ARNT2: variants seen among roughly 807,000 people sequenced by gnomAD.
ARNT2 encodes the protein aryl hydrocarbon receptor nuclear translocator 2, also known as ARNT protein 2.
In ARNT2, 36 loss-of-function variants were observed where a neutral mutation model predicts 91.7. The observed-to-expected ratio is 0.39, with a 90% CI of 0.30 to 0.52. The LOEUF (loss-of-function observed/expected upper bound fraction) is 0.52. Among genes scored for constraint, ARNT2 ranks in the 20% least tolerant of loss-of-function variants. The pLI, the probability that ARNT2 is intolerant of heterozygous loss-of-function variation, is 0.72. For synonymous variants in ARNT2, 365 were observed against 347.1 expected, an observed-to-expected ratio of 1.05 and a Z score of -0.57; for missense variants, 775 against 939.3, an observed-to-expected ratio of 0.83 and a Z score of 2.29.
At chr15:80,544,435 A>G (rs1215169975) in intron 8 of ARNT2, among the ~76,000 whole-genome samples, 1 of 152,042 alleles carries the variant, frequency 6.6e-6, no homozygotes, top group East Asian at 1.9e-4. Flanking sequence ...TGTCTTCTAA[A>G]CCATCATTTC....
intron 8 of ARNT2, among the ~76,000 whole-genome samples, chr15:80,533,864 G>C (rs1482744512): frequency 6.6e-6 from 1 of 152,232 alleles, no homozygotes; most frequent in South Asian, 2.1e-4. Context: ...GGCCCCAAGA[G>C]GGACAGTTGT....
intron 2 of ARNT2, among the ~76,000 whole-genome samples, chr15:80,453,130 A>G (rs549104691): frequency 5.9e-5 from 9 of 152,218 alleles, no homozygotes; most frequent in African/African-American, 9.6e-5. Context: ...GGTCACACAC[A>G]CAGCGTGGCA....
chr15:80,489,584 C>A (rs1897024066), intron 5 of ARNT2, among the ~76,000 whole-genome samples: 1 of 152,246 alleles, frequency 6.6e-6, no homozygotes, highest in African/African-American at 2.4e-5. Context: ...TGACTCTTCT[C>A]TCAGTTCTAC....
intron 8 of ARNT2, among the ~76,000 whole-genome samples, chr15:80,527,624 T>C (rs1166053846): frequency 6.6e-6 from 1 of 152,262 alleles, no homozygotes; most frequent in East Asian, 1.9e-4. Flanking sequence ...ATCATTTCCA[T>C]GCATTGTGCT....
chr15:80,477,484 G>A (rs760577964), intron 5 of ARNT2, among the ~76,000 whole-genome samples: 9 of 152,206 alleles, frequency 5.9e-5, no homozygotes, highest in African/African-American at 1.2e-4. Flanking sequence ...TGGGGAGAGC[G>A]TAAGCATTTA....
chr15:80,593,829 G>C lies in ARNT2; in HGVS notation c.*131G>C. The C allele has an allele frequency of 1.2e-6, 1 of 808,020 alleles. No homozygotes were observed. The highest frequency in any genetic ancestry group is 2.0e-6 in the Non-Finnish European group (1 of 504,498). The allele number at this position is 808,020 out of a possible 1,614,324, so 50.1% of individuals were successfully genotyped here. On this transcript the variant is annotated 3_prime_UTR_variant, in exon 19 of 19. Coordinates refer to ENST00000303329, the MANE Select transcript of ARNT2 (RefSeq NM_014862.4). ...CCCACCAGAAGCCATCTCCCCCGCT[G>C]TGTGTCCCCAGGCGCATCATTGCTC...
At chr15:80,590,290 A>C (rs1321079573) in intron 17 of ARNT2, among the ~76,000 whole-genome samples, 1 of 152,222 alleles carries the variant, frequency 6.6e-6, no homozygotes, top group Non-Finnish European at 1.5e-5. Context: ...ATTTGAAACA[A>C]GAAAAAAAGC....
intron 8 of ARNT2, among the ~76,000 whole-genome samples, chr15:80,520,951 A>G (rs1897534875): frequency 6.6e-6 from 1 of 152,218 alleles, no homozygotes; most frequent in Non-Finnish European, 1.5e-5. Flanking sequence ...TTTGGAAACA[A>G]AAGACATTCT....
chr15:80,497,900 G>A (rs989224695), intron 5 of ARNT2, among the ~76,000 whole-genome samples: 18 of 152,178 alleles, frequency 1.2e-4, no homozygotes, highest in Admixed American at 5.9e-4. Context: ...GGAAGGGAAG[G>A]ACTTTCTAAT....
At chr15:80,442,222 G>T (rs892817386) in intron 1 of ARNT2, among the ~76,000 whole-genome samples, 5 of 152,188 alleles carry the variant, frequency 3.3e-5, no homozygotes, top group African/African-American at 1.2e-4. Context: ...TCAAAGGAAC[G>T]CTTTTTAGGA....
In ARNT2 at chr15:80,593,460, G is replaced by A. The variant is rs986067024; in HGVS notation, c.2056-140G>A. The A allele has an allele frequency of 2.8e-5, 18 of 641,436 alleles. No homozygotes were observed. The Admixed American group carries it at 3.4e-4, about 12-fold the overall frequency. 39.7% of individuals were successfully genotyped at this position (641,436 alleles called of 1,614,324 possible). A position where few individuals can be genotyped will look rare whatever the true frequency, so the allele number is the denominator to read the frequency against. On this transcript the variant is annotated intron_variant, in intron 18 of 18. Transcript: ENST00000303329. ...TTTGAGGACCCTTGCAGAGCATCCC[G>A]CAGAAGGCTGGGGAGGACCTCTGGG... is the stretch of plus-strand genomic sequence containing the variant.
intron 12 of ARNT2, 60 bp downstream of exon 12, chr15:80,563,299 T>C: frequency 6.3e-7 from 1 of 1,597,184 alleles, no homozygotes; most frequent in South Asian, 1.1e-5. Context: ...GGTCCAGAGC[T>C]GGCAATTTTA....
chr15:80,577,655 G>A (rs1053207050), intron 15 of ARNT2, among the ~76,000 whole-genome samples: 4 of 152,254 alleles, frequency 2.6e-5, no homozygotes, highest in Non-Finnish European at 4.4e-5. Context: ...GGCTTCTCCA[G>A]TGAGGTTGGC....
chr15:80,469,677 C>G (rs936221772), intron 3 of ARNT2, among the ~76,000 whole-genome samples: 6 of 152,218 alleles, frequency 3.9e-5, no homozygotes, highest in Admixed American at 3.9e-4. Flanking sequence ...TGCAGTGGTG[C>G]GATCTCAGCT....
intron 1 of ARNT2, among the ~76,000 whole-genome samples, chr15:80,447,796 A>G (rs1011084287): frequency 2.0e-5 from 3 of 152,304 alleles, no homozygotes; most frequent in Admixed American, 1.3e-4. Context: ...ATTAGAGAAA[A>G]TATTTTATCT....
rs1555455373 is a variant in ARNT2 at position 80,433,257 on chromosome 15, A to AT, written c.32-17619dup. Among the ~76,000 whole-genome samples the AT allele has an allele frequency of 1.1e-3, 141 of 126,228 alleles. 2 individuals are homozygous for AT. The highest frequency in any genetic ancestry group is 1.7e-3 in the Non-Finnish European group (104 of 60,480). 82.8% of individuals were successfully genotyped at this position (126,228 alleles called of 152,430 possible). A position where few individuals can be genotyped will look rare whatever the true frequency, so the allele number is the denominator to read the frequency against. On this transcript the variant is annotated intron_variant, in intron 1 of 18. Transcript: ENST00000303329. ...TATTTATTTTATTTTATTTTATTTT[A>AT]TTTTATTTTATTTTATTTTATTTTA...
intron 3 of ARNT2, among the ~76,000 whole-genome samples, chr15:80,458,603 T>C (rs1024881098): frequency 6.6e-6 from 1 of 151,948 alleles, no homozygotes; most frequent in Admixed American, 6.6e-5. Flanking sequence ...GGATCATGAA[T>C]GTCCATGGGT....
intron 1 of ARNT2, among the ~76,000 whole-genome samples, chr15:80,421,803 C>T (rs1052287104): frequency 6.6e-6 from 1 of 152,198 alleles, no homozygotes; most frequent in South Asian, 2.1e-4. Context: ...CTCTGATCTT[C>T]TTTTAATTGT....
chr15:80,546,686 T>G (rs749997262), intron 8 of ARNT2, among the ~76,000 whole-genome samples: 2 of 151,972 alleles, frequency 1.3e-5, no homozygotes, highest in African/African-American at 4.8e-5. Flanking sequence ...AGGCAATGGC[T>G]GGGCGCGGTG....
Sources: allele counts gnomAD v4.1 joint callset (sites outside exome capture counted in the v4.1 genomes callset), GRCh38; gene constraint gnomAD v4.1.1; transcripts MANE v1.5; gene names NCBI Gene and HGNC (gene_info 2026-07-23, HGNC 2026-07-21).